Variants in DNAH7 observed in about 807,000 individuals in gnomAD.
DNAH7 encodes axonemal beta dynein heavy chain 7.
DNAH7 carries 397 observed loss-of-function variants against 444.6 expected under a neutral mutation model. That is an observed-to-expected ratio of 0.89 (90% confidence interval 0.82 to 0.97). DNAH7 has a LOEUF of 0.97. DNAH7 is among the 50% of genes least tolerant of loss of function. The pLI is 0.00. For synonymous variants in DNAH7, 1,636 were observed against 1,624.4 expected, an observed-to-expected ratio of 1.01 and a Z score of -0.17; for missense variants, 4,902 against 4,800.8, an observed-to-expected ratio of 1.02 and a Z score of -0.62.
At chr2:195,888,457 C>T (rs1037380214) in intron 32 of DNAH7, 23 bp from the exon 33 acceptor site, 2 of 1,570,396 alleles carry the variant, frequency 1.3e-6, no homozygotes. Flanking sequence ...AATTGGTTAC[C>T]ATCAAGGTAA....
chr2:195,944,943 A>G (rs1256865363), intron 19 of DNAH7, among the ~76,000 whole-genome samples: 4 of 151,892 alleles, frequency 2.6e-5, no homozygotes, highest in Non-Finnish European at 4.4e-5. Flanking sequence ...TGGTCCACCA[A>G]ACACTTCCCT....
intron 18 of DNAH7, among the ~76,000 whole-genome samples, chr2:195,957,810 T>A (rs1574881148): frequency 6.6e-6 from 1 of 152,148 alleles, no homozygotes; most frequent in Non-Finnish European, 1.5e-5. Context: ...TATACTTATC[T>A]ACTATTGGGC....
chr2:195,767,483 C>G (rs553352978), intron 61 of DNAH7, among the ~76,000 whole-genome samples: 1 of 152,042 alleles, frequency 6.6e-6, no homozygotes, highest in African/African-American at 2.4e-5. Context: ...CTTTACTCCT[C>G]CTCCTCAAAA....
At position 195,984,627 on chromosome 2, in the gene DNAH7, A is replaced by C. The variant is rs1471397511; in HGVS notation, c.1833+5T>G. On this transcript the variant is annotated splice_donor_5th_base_variant and intron_variant, in intron 15 of 64. Transcript: ENST00000312428. ...ACACAATTATGGAGAAGCTATAAAC[A>C]ATACCTTCATTTCCATTAGTTCTGC... 6.2e-7 allele frequency: 1 copy of C among 1,610,986 alleles called. No individual in the cohort carries two copies. The highest frequency in any genetic ancestry group is 1.7e-5 in the Admixed American group (1 of 59,998).
rs759504587 is a variant in DNAH7, at chr2:195,957,416, C to T, written c.2923G>A (p.Glu975Lys). The change falls in exon 19 of 65, where the codon GAG (glutamate) becomes AAG (lysine). Residue 975 changes from glutamate (E) to lysine (K), a missense_variant. By Grantham distance (56) the Glu-to-Lys change is moderately conservative (BLOSUM62 1). Transcript: ENST00000312428. ...EWEGKLLLLQ[E>K]ILDEWLKVQA... ...ACTTTGAGCCATTCATCCAGAATCT[C>T]CTGAAGCAGTAGGAGCTTGCCCTCC... 3 of 1,587,698 alleles carry T rather than the reference C, an allele frequency of 1.9e-6. No individual in the cohort carries two copies. In the South Asian group the frequency reaches 3.4e-5, roughly 18 times the overall value.
intron 24 of DNAH7, among the ~76,000 whole-genome samples, chr2:195,919,888 G>A (rs981773386): frequency 6.6e-6 from 1 of 152,144 alleles, no homozygotes; most frequent in Non-Finnish European, 1.5e-5. Flanking sequence ...GTAAATGTAA[G>A]TATCTATGAG....
chr2:195,845,444 T>C (rs1285787822), intron 46 of DNAH7, among the ~76,000 whole-genome samples: 1 of 152,184 alleles, frequency 6.6e-6, no homozygotes, highest in Non-Finnish European at 1.5e-5. Flanking sequence ...ATTGTTATTA[T>C]AAAGCTTCAT....
At chr2:195,799,497 G>A in intron 54 of DNAH7, 25 bp from the exon 55 acceptor site, 3 of 1,500,456 alleles carry the variant, frequency 2.0e-6, no homozygotes, top group South Asian at 1.4e-5. Context: ...GGATATAGTT[G>A]GAAGAATATT....
chr2:196,044,434 C>T (rs538091556), intron 5 of DNAH7, among the ~76,000 whole-genome samples: 14 of 150,036 alleles, frequency 9.3e-5, no homozygotes, highest in Middle Eastern at 3.5e-3. Flanking sequence ...ACTCTGGAGA[C>T]TCAAGGGGGA....
chr2:195,923,548 A>C, intron 23 of DNAH7, 47 bp downstream of exon 23: 2 of 1,575,370 alleles, frequency 1.3e-6, no homozygotes, highest in Non-Finnish European at 1.7e-6. Context: ...ATTTAAAACT[A>C]CGAGCTGAAA....
intron 18 of DNAH7, among the ~76,000 whole-genome samples, chr2:195,958,507 G>A (rs1166624018): frequency 6.6e-6 from 1 of 152,098 alleles, no homozygotes; most frequent in Non-Finnish European, 1.5e-5. Flanking sequence ...TGGGGGGTCA[G>A]CGCCCCTAAA....
At chr2:195,858,900 A>T in intron 42 of DNAH7, 96 bp from the exon 43 acceptor site, 2 of 1,011,820 alleles carry the variant, frequency 2.0e-6, no homozygotes, top group Non-Finnish European at 2.9e-6. Context: ...GGCTTTTTCA[A>T]GACATAACTA....
intron 41 of DNAH7, among the ~76,000 whole-genome samples, chr2:195,863,451 C>T (rs540322178): frequency 1.3e-4 from 20 of 152,236 alleles, no homozygotes; most frequent in African/African-American, 4.8e-4. Context: ...TTTGCTACTC[C>T]CCTTCCCCAC....
At chr2:195,945,582 A>C (rs1689744254) in intron 19 of DNAH7, among the ~76,000 whole-genome samples, 1 of 152,192 alleles carries the variant, frequency 6.6e-6, no homozygotes, top group Non-Finnish European at 1.5e-5. Flanking sequence ...TCACTTCCAG[A>C]AAGTCAGATG....
At chr2:195,920,716 G>T (rs1687969636) in intron 24 of DNAH7, among the ~76,000 whole-genome samples, 1 of 152,124 alleles carries the variant, frequency 6.6e-6, no homozygotes, top group Non-Finnish European at 1.5e-5. Context: ...AAGATAAATA[G>T]ATGGGACTTA....
chr2:195,864,390 G>A lies in DNAH7; in HGVS notation c.7265C>T (p.Pro2422Leu). 1 of 1,614,042 alleles carries A rather than the reference G, an allele frequency of 6.2e-7. No individual in the cohort carries two copies. Among genetic ancestry groups the A allele is most frequent in the African/African-American group, 1.3e-5 (1 of 74,988 alleles). The change falls in exon 41 of 65, where the codon CCA becomes CTA. Residue 2422 changes from proline to leucine, a missense_variant. Pro to Leu is a moderately conservative substitution (Grantham distance 98). Transcript: ENST00000312428. ...CTTCTCATCTAATGCAAAGAGATTTGGAATCTCCCCAGCATTTAGCAGATT... is the reference window on the plus strand; with the variant it reads ...CTTCTCATCTAATGCAAAGAGATTTAGAATCTCCCCAGCATTTAGCAGATT... ...VSNLLNAGEIPNLFALDEKQE... is the reference protein window; with the variant it reads ...VSNLLNAGEILNLFALDEKQE...
chr2:196,067,409 T>C (rs1337410703), intron 1 of DNAH7, among the ~76,000 whole-genome samples: 1 of 152,226 alleles, frequency 6.6e-6, no homozygotes, highest in Admixed American at 6.5e-5. Context: ...AGAAAAAAAC[T>C]AGTAAGATCT....
Position 195,834,190 on chromosome 2 carries a change from T to C in DNAH7, c.9100+16A>G, listed in dbSNP as rs76099912. 2,988 of 1,596,538 alleles carry C rather than the reference T, an allele frequency of 1.9e-3. 53 individuals carry two copies. The African/African-American group carries it at 0.035, about 19-fold the overall frequency. On this transcript the variant is annotated intron_variant, in intron 48 of 64. Coordinates refer to ENST00000312428, the MANE Select transcript of DNAH7 (RefSeq NM_018897.3). ...CAGGCAGTTCTGTAATGTATCTTAG[T>C]TATTCAACTACATACCAGGAGTACC...
At chr2:195,996,461 T>C (rs1301060894) in intron 12 of DNAH7, among the ~76,000 whole-genome samples, 1 of 151,556 alleles carries the variant, frequency 6.6e-6, no homozygotes, top group African/African-American at 2.4e-5. Context: ...AGTCTCATTC[T>C]GTTGCCCAGG....
Sources: allele counts gnomAD v4.1 joint callset (sites outside exome capture counted in the v4.1 genomes callset), GRCh38; gene constraint gnomAD v4.1.1; transcripts MANE v1.5; gene names NCBI Gene and HGNC (gene_info 2026-07-23, HGNC 2026-07-21).